Variants in CHRM3 observed in about 807,000 individuals in gnomAD.
CHRM3 encodes cholinergic receptor muscarinic 3, also known as muscarinic acetylcholine receptor M3.
A neutral mutation model predicts 41.8 loss-of-function variants in CHRM3; 11 were observed. The observed-to-expected ratio is 0.26, with a 90% CI of 0.17 to 0.44. The LOEUF (loss-of-function observed/expected upper bound fraction) is 0.44. Ranked by LOEUF, CHRM3 falls within the 20% of genes least tolerant of loss-of-function variation. The pLI, the probability that CHRM3 is intolerant of heterozygous loss-of-function variation, is 1.00. For synonymous variants in CHRM3, 297 were observed against 301.4 expected (o/e 0.99, Z 0.15); for missense variants, 571 against 745.4 (o/e 0.77, Z 2.72).
chr1:239,513,049 A>G (rs950075990), intron 2 of CHRM3, among the ~76,000 whole-genome samples: 1 of 152,168 alleles, frequency 6.6e-6, no homozygotes, highest in Non-Finnish European at 1.5e-5. Context: ...GAGATTTTAC[A>G]TCGTGGGTCA....
At chr1:239,550,909 G>A (rs1235736997) in intron 3 of CHRM3, among the ~76,000 whole-genome samples, 1 of 151,904 alleles carries the variant, frequency 6.6e-6, no homozygotes, top group African/African-American at 2.4e-5. Flanking sequence ...ATTTTAAATA[G>A]TTCTTAAGGT....
intron 3 of CHRM3, among the ~76,000 whole-genome samples, chr1:239,602,421 G>A (rs1398387682): frequency 6.6e-6 from 1 of 151,976 alleles, no homozygotes; most frequent in Non-Finnish European, 1.5e-5. Context: ...CATTTTGGTA[G>A]GGGAAAATAA....
chr1:239,477,497 A>G (rs1666546596), intron 1 of CHRM3, among the ~76,000 whole-genome samples: 1 of 152,214 alleles, frequency 6.6e-6, no homozygotes, highest in Admixed American at 6.5e-5. Flanking sequence ...GCTGCTTTTG[A>G]TCTCAGAGAA....
chr1:239,465,052 AT>A (rs1355931507), intron 1 of CHRM3, among the ~76,000 whole-genome samples: 4 of 152,190 alleles, frequency 2.6e-5, no homozygotes, highest in Admixed American at 1.3e-4. Context: ...ATCTAATTCA[AT>A]TTTTTAGGGG....
At chr1:239,723,306 A>G (rs139588746) in intron 5 of CHRM3, among the ~76,000 whole-genome samples, 1 of 151,976 alleles carries the variant, frequency 6.6e-6, no homozygotes, top group East Asian at 1.9e-4. Flanking sequence ...GGAAAAAAAT[A>G]AATGCATTCT....
At chr1:239,887,610 A>G (rs1678183358) in intron 6 of CHRM3, among the ~76,000 whole-genome samples, 1 of 152,174 alleles carries the variant, frequency 6.6e-6, no homozygotes, top group Non-Finnish European at 1.5e-5. Flanking sequence ...TTCCTTTTTC[A>G]TAGCATCAGA....
chr1:239,485,983 G>A (rs557446488), intron 1 of CHRM3, among the ~76,000 whole-genome samples: 20 of 152,206 alleles, frequency 1.3e-4, no homozygotes, highest in African/African-American at 4.6e-4. Context: ...CTTACCTAGG[G>A]GTACTCTCAT....
At chr1:239,635,256 A>G (rs1670334452) in intron 4 of CHRM3, among the ~76,000 whole-genome samples, 1 of 152,194 alleles carries the variant, frequency 6.6e-6, no homozygotes, top group Admixed American at 6.5e-5. Flanking sequence ...GGAAACCTCC[A>G]TCAGATCTTG....
chr1:239,469,606 G>C (rs1229483379), intron 1 of CHRM3, among the ~76,000 whole-genome samples: 2 of 151,972 alleles, frequency 1.3e-5, no homozygotes, highest in Non-Finnish European at 2.9e-5. Flanking sequence ...GCCCAGGCTG[G>C]AATGCAATGG....
At chr1:239,584,673 G>A (rs926239325) in intron 3 of CHRM3, among the ~76,000 whole-genome samples, 35 of 152,266 alleles carry the variant, frequency 2.3e-4, no homozygotes, top group African/African-American at 8.4e-4. Flanking sequence ...GCTGGGTAGA[G>A]GATTCGAGTC....
At chr1:239,603,325 G>A (rs527237724) in intron 3 of CHRM3, among the ~76,000 whole-genome samples, 25 of 152,232 alleles carry the variant, frequency 1.6e-4, no homozygotes, top group African/African-American at 5.1e-4. Context: ...GGTAGATAAA[G>A]CAAGAATAAA....
At chr1:239,442,399 A>G (rs766169326) in intron 1 of CHRM3, among the ~76,000 whole-genome samples, 2 of 151,880 alleles carry the variant, frequency 1.3e-5, no homozygotes, top group Non-Finnish European at 2.9e-5. Flanking sequence ...GAGCCGCTGC[A>G]CCCGGCCAAA....
At chr1:239,650,751 C>T (rs1002380706) in intron 4 of CHRM3, among the ~76,000 whole-genome samples, 1 of 152,108 alleles carries the variant, frequency 6.6e-6, no homozygotes, top group East Asian at 1.9e-4. Flanking sequence ...TCTGCAGAGG[C>T]TAACTAAACG....
At chr1:239,864,374 G>A (rs1675900839) in intron 6 of CHRM3, among the ~76,000 whole-genome samples, 1 of 152,126 alleles carries the variant, frequency 6.6e-6, no homozygotes, top group South Asian at 2.1e-4. Context: ...AGGCGTGGTG[G>A]CACACGCCTG....
chr1:239,734,082 A>G (rs1471201586), intron 5 of CHRM3, among the ~76,000 whole-genome samples: 1 of 152,074 alleles, frequency 6.6e-6, no homozygotes, highest in Non-Finnish European at 1.5e-5. Flanking sequence ...CTCCATCTCT[A>G]GCTACAGAAA....
At chr1:239,851,439 C>T (rs1674688313) in intron 6 of CHRM3, among the ~76,000 whole-genome samples, 1 of 152,080 alleles carries the variant, frequency 6.6e-6, no homozygotes, top group South Asian at 2.1e-4. Flanking sequence ...CAGGAGCAGG[C>T]AAAACCCTAA....
intron 5 of CHRM3, among the ~76,000 whole-genome samples, chr1:239,708,399 C>A (rs7516378): frequency 0.081 from 12,268 of 152,188 alleles, 1,128 homozygotes; most frequent in African/African-American, 0.22. Context: ...AGCACTGACC[C>A]CTTCAACCTG....
At chr1:239,820,285 G>A (rs1390049447) in intron 5 of CHRM3, among the ~76,000 whole-genome samples, 1 of 152,194 alleles carries the variant, frequency 6.6e-6, no homozygotes, top group East Asian at 1.9e-4. Flanking sequence ...GGTAGGAAGT[G>A]TGGGTGATTC....
intron 5 of CHRM3, among the ~76,000 whole-genome samples, chr1:239,739,128 A>T (rs1455332231): frequency 6.6e-6 from 1 of 152,170 alleles, no homozygotes; most frequent in Admixed American, 6.5e-5. Flanking sequence ...ACATTGTAGC[A>T]AATAGGTGCC....
Sources: allele counts gnomAD v4.1 joint callset (sites outside exome capture counted in the v4.1 genomes callset), GRCh38; gene constraint gnomAD v4.1.1; transcripts MANE v1.5; gene names NCBI Gene and HGNC (gene_info 2026-07-23, HGNC 2026-07-21).